The following TENM3 variants were observed in gnomAD, a reference collection of about 807,000 sequenced individuals.
TENM3 encodes teneurin-3.
A neutral mutation model predicts 255.1 loss-of-function variants in TENM3; 63 were observed. The observed-to-expected ratio is 0.25, with a 90% CI of 0.20 to 0.30. The LOEUF is 0.30. Ranked by LOEUF, TENM3 falls within the 10% of genes least tolerant of loss-of-function variation. The pLI, the probability that TENM3 is intolerant of heterozygous loss-of-function variation, is 1.00. For synonymous variants in TENM3, 1,306 were observed against 1,322.3 expected (o/e 0.99, Z 0.27); for missense variants, 2,929 against 3,461.1 (o/e 0.85, Z 3.86).
the TENM3 span, among the ~76,000 whole-genome samples, chr4:181,588,085 C>T: frequency 1.3e-5 from 2 of 152,136 alleles, no homozygotes; most frequent in South Asian, 2.1e-4. Context: ...CAGGGGCATG[C>T]GCTTTTTAGA....
At chr4:182,466,456 G>A (rs1208350961) in intron 3 of TENM3, among the ~76,000 whole-genome samples, 2 of 152,058 alleles carry the variant, frequency 1.3e-5, no homozygotes, top group East Asian at 3.9e-4. Flanking sequence ...CAGCCTCCCA[G>A]GTAGCTGGGA....
the TENM3 span, among the ~76,000 whole-genome samples, chr4:181,780,791 T>A: frequency 3.3e-5 from 5 of 152,356 alleles, no homozygotes; most frequent in African/African-American, 9.6e-5. Context: ...TTTGAATTAA[T>A]TTCTGTATAA....
At chr4:181,759,192 G>A in the TENM3 span, among the ~76,000 whole-genome samples, 2 of 151,988 alleles carry the variant, frequency 1.3e-5, no homozygotes, top group African/African-American at 2.4e-5. Flanking sequence ...CAGCAAAAGT[G>A]AGAATTAAAG....
intron 1 of TENM3, among the ~76,000 whole-genome samples, chr4:182,272,216 T>C (rs1042687689): frequency 2.6e-5 from 4 of 152,200 alleles, no homozygotes; most frequent in African/African-American, 9.6e-5. Context: ...ACGACTTACT[T>C]AACTATAGGT....
At chr4:181,808,226 C>A in the TENM3 span, among the ~76,000 whole-genome samples, 1 of 152,120 alleles carries the variant, frequency 6.6e-6, no homozygotes, top group African/African-American at 2.4e-5. Context: ...CAGCGAGGTA[C>A]CATAGCAAAA....
chr4:181,750,999 A>C, the TENM3 span, among the ~76,000 whole-genome samples: 2 of 152,292 alleles, frequency 1.3e-5, no homozygotes, highest in South Asian at 4.1e-4. Context: ...AAAATATTTC[A>C]GCATGCAATA....
chr4:181,561,151 G>A, the TENM3 span, among the ~76,000 whole-genome samples: 1,198 of 152,016 alleles, frequency 7.9e-3, 16 homozygotes, highest in African/African-American at 0.027. Flanking sequence ...ACGGGGTTTC[G>A]CCATGTTGGC....
At chr4:181,739,850 G>T in the TENM3 span, among the ~76,000 whole-genome samples, 1 of 151,866 alleles carries the variant, frequency 6.6e-6, no homozygotes, top group Admixed American at 6.6e-5. Context: ...TTAAATAATC[G>T]CATTCTCTTC....
At chr4:182,085,644 C>T in the TENM3 span, among the ~76,000 whole-genome samples, 1 of 152,102 alleles carries the variant, frequency 6.6e-6, no homozygotes, top group Admixed American at 6.6e-5. Context: ...GTGCAATGCT[C>T]ATGTAGGAAT....
the TENM3 span, among the ~76,000 whole-genome samples, chr4:182,044,701 T>C: frequency 1.3e-5 from 2 of 152,318 alleles, no homozygotes; most frequent in Admixed American, 6.5e-5. Context: ...TTTTTGTCAG[T>C]AAGCTCCACC....
chr4:182,121,798 C>A, the TENM3 span, among the ~76,000 whole-genome samples: 1 of 152,210 alleles, frequency 6.6e-6, no homozygotes, highest in East Asian at 1.9e-4. Flanking sequence ...GTGATTGTGG[C>A]AATTTATTAA....
intron 3 of TENM3, among the ~76,000 whole-genome samples, chr4:182,439,397 AG>A (rs1271910068): frequency 6.6e-6 from 1 of 152,230 alleles, no homozygotes; most frequent in African/African-American, 2.4e-5. Flanking sequence ...GACAGACCCT[AG>A]GTAGAAATTT....
chr4:181,970,191 C>T, the TENM3 span, among the ~76,000 whole-genome samples: 1 of 152,046 alleles, frequency 6.6e-6, no homozygotes, highest in African/African-American at 2.4e-5. Context: ...ACTAAATTAC[C>T]AGTAGTCATT....
the TENM3 span, among the ~76,000 whole-genome samples, chr4:181,782,586 A>AT: frequency 1.3e-5 from 2 of 151,906 alleles, no homozygotes; most frequent in South Asian, 4.2e-4. Context: ...GGATACATTG[A>AT]TTTTTTTGAA....
chr4:181,708,502 G>A, the TENM3 span, among the ~76,000 whole-genome samples: 19 of 152,056 alleles, frequency 1.2e-4, no homozygotes, highest in African/African-American at 4.6e-4. Flanking sequence ...AAAAGGTTTG[G>A]GTTTGGGTTT....
chr4:182,625,905 A>C (rs1750774491), intron 4 of TENM3, among the ~76,000 whole-genome samples: 1 of 152,176 alleles, frequency 6.6e-6, no homozygotes. Context: ...CATGATTCAC[A>C]GGCCAGATCT....
the TENM3 span, among the ~76,000 whole-genome samples, chr4:181,675,675 T>C: frequency 1.3e-5 from 2 of 152,108 alleles, no homozygotes; most frequent in Admixed American, 1.3e-4. Context: ...CGTGTGGCCA[T>C]CGGGTAGAAA....
intron 1 of TENM3, among the ~76,000 whole-genome samples, chr4:182,298,032 A>G (rs1561294166): frequency 6.6e-6 from 1 of 152,212 alleles, no homozygotes; most frequent in Non-Finnish European, 1.5e-5. Context: ...CCAGGGGTGC[A>G]TCTTACGTTG....
chr4:182,315,619 G>A (rs771841683), intron 1 of TENM3, among the ~76,000 whole-genome samples: 12 of 152,012 alleles, frequency 7.9e-5, no homozygotes, highest in Non-Finnish European at 1.6e-4. Context: ...ACTGGCATCT[G>A]TAAGTTTATA....
Sources: allele counts gnomAD v4.1 joint callset (sites outside exome capture counted in the v4.1 genomes callset), GRCh38; gene constraint gnomAD v4.1.1; transcripts MANE v1.5; gene names NCBI Gene and HGNC (gene_info 2026-07-23, HGNC 2026-07-21).